Variants in CSMD2 observed in about 807,000 individuals in gnomAD.
CSMD2 encodes CUB and sushi domain-containing protein 2.
Under a neutral mutation model 398.5 loss-of-function variants are expected in CSMD2, and 130 were observed. The observed-to-expected ratio is 0.33, with a 90% CI of 0.28 to 0.38. The LOEUF is 0.38. CSMD2 is among the 10% of genes least tolerant of loss of function. CSMD2 has a pLI of 1.00. For synonymous variants in CSMD2, 1,828 were observed against 1,908.5 expected (o/e 0.96, Z 1.10); for missense variants, 3,829 against 4,764.9 (o/e 0.80, Z 5.78).
chr1:34,160,407 G>A (rs1052141995), intron 1 of CSMD2, among the ~76,000 whole-genome samples: 2 of 152,168 alleles, frequency 1.3e-5, no homozygotes, highest in Non-Finnish European at 2.9e-5. Flanking sequence ...TATGCCAAGG[G>A]CTTATTGTTG....
chr1:33,541,383 C>T, intron 58 of CSMD2, 74 bp from the exon 59 acceptor site: 3 of 1,118,064 alleles, frequency 2.7e-6, no homozygotes, highest in Non-Finnish European at 4.0e-6. Flanking sequence ...ATCCCTATCA[C>T]TCCCTGCATG....
At chr1:34,005,856 G>C (rs1647038080) in intron 3 of CSMD2, among the ~76,000 whole-genome samples, 1 of 152,164 alleles carries the variant, frequency 6.6e-6, no homozygotes, top group Non-Finnish European at 1.5e-5. Context: ...CATGCACACT[G>C]TTATGATGCT....
intron 3 of CSMD2, among the ~76,000 whole-genome samples, chr1:33,984,161 C>CA (rs5773446): frequency 2.6e-3 from 378 of 146,216 alleles, no homozygotes; most frequent in African/African-American, 8.0e-3. Context: ...CTCCCCCCAC[C>CA]AAAAAAAAAA....
chr1:33,923,291 G>T (rs1644013602), intron 4 of CSMD2, among the ~76,000 whole-genome samples: 1 of 152,128 alleles, frequency 6.6e-6, no homozygotes, highest in South Asian at 2.1e-4. Flanking sequence ...TTGTGACAGT[G>T]AGTGAGTCAT....
At chr1:34,002,553 G>A (rs557207843) in intron 3 of CSMD2, among the ~76,000 whole-genome samples, 4 of 152,300 alleles carry the variant, frequency 2.6e-5, no homozygotes, top group African/African-American at 7.2e-5. Flanking sequence ...GGGTTGGGGC[G>A]ACTTAAGTGC....
At chr1:34,138,805 CTCCTTT>C (rs1334398634) in intron 1 of CSMD2, among the ~76,000 whole-genome samples, 1 of 151,924 alleles carries the variant, frequency 6.6e-6, no homozygotes. Flanking sequence ...CCAGCATATA[CTCCTTT>C]TTTTGAAACA....
intron 49 of CSMD2, among the ~76,000 whole-genome samples, chr1:33,575,641 G>A (rs1403253414): frequency 6.6e-6 from 1 of 152,172 alleles, no homozygotes; most frequent in Admixed American, 6.5e-5. Flanking sequence ...GGGTGGTGAT[G>A]TAAGGTAACA....
At chr1:33,992,276 C>T (rs978049930) in intron 3 of CSMD2, among the ~76,000 whole-genome samples, 103 of 152,260 alleles carry the variant, frequency 6.8e-4, no homozygotes, top group African/African-American at 2.4e-3. Flanking sequence ...CATGACAGTA[C>T]GGCTCACTGA....
At chr1:33,849,789 T>G (rs1049299940) in intron 5 of CSMD2, among the ~76,000 whole-genome samples, 3 of 150,744 alleles carry the variant, frequency 2.0e-5, no homozygotes, top group African/African-American at 7.3e-5. Flanking sequence ...ATATTTTGGA[T>G]AGCATCTCCA....
chr1:33,621,965 G>T (rs1306391266), intron 37 of CSMD2, among the ~76,000 whole-genome samples: 1 of 152,098 alleles, frequency 6.6e-6, no homozygotes, highest in Non-Finnish European at 1.5e-5. Context: ...ACAGGTTTTC[G>T]AGTAACAGAC....
intron 13 of CSMD2, among the ~76,000 whole-genome samples, chr1:33,768,344 T>C (rs1569831196): frequency 6.6e-6 from 1 of 152,022 alleles, no homozygotes; most frequent in Non-Finnish European, 1.5e-5. Flanking sequence ...GTGGGGCGGG[T>C]GCTACTGGTA....
intron 2 of CSMD2, among the ~76,000 whole-genome samples, chr1:34,045,381 T>C (rs1469899833): frequency 6.6e-6 from 1 of 152,300 alleles, no homozygotes; most frequent in African/African-American, 2.4e-5. Flanking sequence ...ATTATTCTTG[T>C]GCTGTCTCAA....
At chr1:34,108,292 A>C (rs951699168) in intron 1 of CSMD2, among the ~76,000 whole-genome samples, 6 of 151,978 alleles carry the variant, frequency 3.9e-5, no homozygotes, top group East Asian at 1.9e-4. Context: ...AGAAAAAAAA[A>C]CCCAAAACCC....
chr1:33,916,972 C>A (rs1250065799), intron 5 of CSMD2, among the ~76,000 whole-genome samples: 1 of 152,136 alleles, frequency 6.6e-6, no homozygotes, highest in African/African-American at 2.4e-5. Flanking sequence ...CCTCCCTACT[C>A]CCACTGACTG....
intron 1 of CSMD2, among the ~76,000 whole-genome samples, chr1:34,126,017 G>T (rs1044034923): frequency 3.3e-5 from 5 of 152,184 alleles, no homozygotes; most frequent in African/African-American, 1.2e-4. Flanking sequence ...CAGCTCCAAA[G>T]AAAATCCAAC....
At chr1:34,102,689 T>G (rs1312887511) in intron 1 of CSMD2, among the ~76,000 whole-genome samples, 3 of 151,754 alleles carry the variant, frequency 2.0e-5, no homozygotes, top group Non-Finnish European at 4.4e-5. Context: ...ATCCCTGTAA[T>G]CCGGCCATGC....
chr1:33,929,211 T>C (rs1052524478), intron 4 of CSMD2, among the ~76,000 whole-genome samples: 2 of 152,004 alleles, frequency 1.3e-5, no homozygotes, highest in African/African-American at 2.4e-5. Flanking sequence ...ACAGCCCCAA[T>C]CTACGCCTGT....
intron 5 of CSMD2, among the ~76,000 whole-genome samples, chr1:33,849,085 A>T (rs1638513372): frequency 6.6e-6 from 1 of 152,174 alleles, no homozygotes; most frequent in African/African-American, 2.4e-5. Context: ...CATTTCTCCC[A>T]CACATTTACC....
At chr1:34,045,305 T>G (rs1294180660) in intron 2 of CSMD2, among the ~76,000 whole-genome samples, 1 of 152,160 alleles carries the variant, frequency 6.6e-6, no homozygotes, top group East Asian at 1.9e-4. Context: ...CTACATTAGC[T>G]ATGAGACCAC....
Sources: gnomAD v4.1 joint callset for allele counts (sites outside exome capture counted in the v4.1 genomes callset) on GRCh38, gnomAD v4.1.1 for gene constraint, MANE v1.5 for transcripts, NCBI Gene and HGNC (gene_info 2026-07-23, HGNC 2026-07-21) for gene names.